The following ERC2 variants were observed in gnomAD, a reference collection of about 807,000 sequenced individuals.
ERC2 encodes the protein ERC protein 2.
In ERC2, 42 loss-of-function variants were observed where a neutral mutation model predicts 114.8. The ratio of observed to expected loss-of-function variants is 0.37; its 90% confidence interval spans 0.29 to 0.47. The LOEUF (loss-of-function observed/expected upper bound fraction) is 0.47, where lower values mean the gene tolerates loss of function less well. Ranked by LOEUF, ERC2 falls within the 20% of genes least tolerant of loss-of-function variation. The pLI is 0.99. For missense variants in ERC2, 939 were observed against 1,150.7 expected (o/e 0.82, Z 2.66); for synonymous variants, 454 against 425.5 (o/e 1.07, Z -0.82).
chr3:55,838,833 T>C (rs2061008723), intron 14 of ERC2, among the ~76,000 whole-genome samples: 1 of 151,974 alleles, frequency 6.6e-6, no homozygotes, highest in East Asian at 1.9e-4. Context: ...AAATCTGACA[T>C]TGATGAAATA....
chr3:55,939,059 C>T (rs535201611), intron 13 of ERC2, among the ~76,000 whole-genome samples: 1 of 152,136 alleles, frequency 6.6e-6, no homozygotes, highest in African/African-American at 2.4e-5. Context: ...TATTACTGTA[C>T]CTTTCATAAA....
Position 56,219,537 on chromosome 3 carries a change from T to C in ERC2, c.1075-46017A>G, listed in dbSNP as rs1344967012. Among the ~76,000 whole-genome samples, 4 of 151,858 alleles carry C rather than the reference T, an allele frequency of 2.6e-5. No individual in the cohort carries two copies. The East Asian group carries it at 7.8e-4, about 29-fold the overall frequency. On this transcript the variant is annotated intron_variant, in intron 3 of 17. Transcript: ENST00000288221. ...AAGAGGGACACAAACGTAAATCAAA[T>C]AACCACACAAGCAAAGATACTATTG...
intron 17 of ERC2, among the ~76,000 whole-genome samples, chr3:55,533,437 G>A (rs2053793930): frequency 6.6e-6 from 1 of 152,208 alleles, no homozygotes; most frequent in Admixed American, 6.5e-5. Flanking sequence ...CCCTGTACCA[G>A]GCTTGACACT....
At chr3:56,261,423 G>A (rs975614362) in intron 3 of ERC2, among the ~76,000 whole-genome samples, 11 of 152,096 alleles carry the variant, frequency 7.2e-5, no homozygotes, top group African/African-American at 1.7e-4. Flanking sequence ...TGTATATAAC[G>A]TCTACAAGAA....
intron 17 of ERC2, among the ~76,000 whole-genome samples, chr3:55,583,531 T>C (rs9810138): frequency 0.015 from 565 of 38,752 alleles, 36 homozygotes; most frequent in African/African-American, 0.022. Flanking sequence ...CTCCCTTCCT[T>C]CCTTCCTTCC....
chr3:56,151,717 T>G (rs781079119), intron 4 of ERC2, among the ~76,000 whole-genome samples: 3 of 152,178 alleles, frequency 2.0e-5, no homozygotes, highest in Non-Finnish European at 4.4e-5. Flanking sequence ...AAACCTAATC[T>G]ATGTAAGGAG....
chr3:56,117,127 G>A (rs1264985115), intron 6 of ERC2, among the ~76,000 whole-genome samples: 1 of 152,180 alleles, frequency 6.6e-6, no homozygotes, highest in Non-Finnish European at 1.5e-5. Flanking sequence ...CTGAAGAGAT[G>A]GTGCTGCCCC....
rs530310946 is a variant in ERC2, at chr3:56,413,899, T to C, written c.657+20452A>G. 3.9e-5 allele frequency among the ~76,000 whole-genome samples: 6 copies of C among 152,332 alleles called. No homozygotes were observed. The South Asian group carries it at 1.2e-3, about 32-fold the overall frequency. On this transcript the variant is annotated intron_variant, in intron 2 of 17. Coordinates refer to ENST00000288221, the MANE Select transcript of ERC2 (RefSeq NM_015576.3). ...ATAGCACTGGGCCTATGCACACATG[T>C]GCACCCATAGAAACCACAGCCCTTG...
At chr3:55,903,419 G>A (rs2064253924) in intron 13 of ERC2, among the ~76,000 whole-genome samples, 1 of 152,122 alleles carries the variant, frequency 6.6e-6, no homozygotes, top group Admixed American at 6.5e-5. Context: ...AATGCCAAAT[G>A]TTCACTCAAG....
At chr3:55,863,493 A>G (rs2062115577) in intron 14 of ERC2, among the ~76,000 whole-genome samples, 2 of 152,168 alleles carry the variant, frequency 1.3e-5, no homozygotes, top group Non-Finnish European at 2.9e-5. Flanking sequence ...TTTAGAGGCC[A>G]GATTGGTTTT....
At chr3:56,340,985 GA>G (rs553540132) in intron 2 of ERC2, among the ~76,000 whole-genome samples, 18 of 152,148 alleles carry the variant, frequency 1.2e-4, no homozygotes, top group African/African-American at 4.1e-4. Flanking sequence ...CTTTGGGGGG[GA>G]AAAAATCCTG....
chr3:56,432,217 A>T (rs1472487449), intron 2 of ERC2, among the ~76,000 whole-genome samples: 1 of 152,224 alleles, frequency 6.6e-6, no homozygotes, highest in Non-Finnish European at 1.5e-5. Context: ...TTTATAAATA[A>T]ATATACATGT....
chr3:56,289,316 C>T (rs1156709469), intron 3 of ERC2, among the ~76,000 whole-genome samples: 1 of 151,890 alleles, frequency 6.6e-6, no homozygotes, highest in African/African-American at 2.4e-5. Flanking sequence ...CTTCCATGGC[C>T]ACCACCCAGA....
intron 3 of ERC2, among the ~76,000 whole-genome samples, chr3:56,290,305 A>G (rs1343947879): frequency 6.6e-6 from 1 of 152,174 alleles, no homozygotes; most frequent in African/African-American, 2.4e-5. Flanking sequence ...CAAATTTTTC[A>G]CTCATTACAA....
Position 55,855,382 on chromosome 3 carries a change from C to T in ERC2, c.2564+33007G>A, listed in dbSNP as rs186593512. On this transcript the variant is annotated intron_variant, in intron 14 of 17. Coordinates refer to ENST00000288221, the MANE Select transcript of ERC2 (RefSeq NM_015576.3). The stretch of plus-strand genomic sequence containing the variant: ...CAGTCAAGTGTAATTTGATTTACAA[C>T]GCTGTTCACTTACCAAACATACAGT... 1.3e-3 allele frequency among the ~76,000 whole-genome samples: 195 copies of T among 152,342 alleles called. 1 individual carries two copies. Among genetic ancestry groups the T allele is most frequent in the South Asian group, 4.8e-3 (23 of 4,826 alleles).
chr3:56,399,502 T>C (rs567418129), intron 2 of ERC2, among the ~76,000 whole-genome samples: 24 of 152,316 alleles, frequency 1.6e-4, no homozygotes, highest in African/African-American at 5.3e-4. Flanking sequence ...ACATTCTCTA[T>C]ATATAGCTTA....
At position 56,209,198 on chromosome 3, in the gene ERC2, A is replaced by T. The variant is rs546755727; in HGVS notation, c.1075-35678T>A. Among the ~76,000 whole-genome samples, 12 of 152,174 alleles carry T rather than the reference A, an allele frequency of 7.9e-5. No homozygotes were observed. The South Asian group carries it at 2.5e-3, about 32-fold the overall frequency. ...TCACTGCTGATTTCAGTGCCAGTGC[A>T]TGAGAGTGTCATTCATACCCTTCCT... On this transcript the variant is annotated intron_variant, in intron 3 of 17. Transcript: ENST00000288221.
intron 14 of ERC2, among the ~76,000 whole-genome samples, chr3:55,801,312 G>C (rs116324617): frequency 2.6e-5 from 4 of 152,084 alleles, no homozygotes; most frequent in African/African-American, 9.7e-5. Context: ...ACTCAAAACC[G>C]GTTAACTGTT....
At chr3:56,283,022 TCCC>T in intron 3 of ERC2, among the ~76,000 whole-genome samples, 1 of 152,320 alleles carries the variant, frequency 6.6e-6, no homozygotes, top group East Asian at 1.9e-4. Context: ...GTCTCAGAAG[TCCC>T]CACGGTCAGC....
Sources: allele counts gnomAD v4.1 joint callset (sites outside exome capture counted in the v4.1 genomes callset), GRCh38; gene constraint gnomAD v4.1.1; transcripts MANE v1.5; gene names NCBI Gene and HGNC (gene_info 2026-07-23, HGNC 2026-07-21).